TRAPPC9: variants seen among roughly 807,000 people sequenced by gnomAD.
TRAPPC9 encodes the protein trafficking protein particle complex subunit 9, also known as IKK2 binding protein.
TRAPPC9 carries 83 observed loss-of-function variants against 124.0 expected under a neutral mutation model. That is an observed-to-expected ratio of 0.67 (90% CI 0.56 to 0.80). The LOEUF is 0.80. Ranked by LOEUF, TRAPPC9 falls within the 30% of genes least tolerant of loss-of-function variation. TRAPPC9 has a pLI of 0.00. For missense variants in TRAPPC9, 1,302 were observed against 1,508.3 expected (o/e 0.86, Z 2.27); for synonymous variants, 638 against 617.5 (o/e 1.03, Z -0.49).
chr8:140,095,922 C>G (rs935595684), intron 17 of TRAPPC9: 3 of 152,190 alleles, frequency 2.0e-5, no homozygotes, highest in East Asian at 3.9e-4. Context: ...TCTACCTCCA[C>G]CACTTCCCAG....
chr8:139,735,183 G>A (rs958698117), intron 21 of TRAPPC9, among the ~76,000 whole-genome samples: 3 of 152,150 alleles, frequency 2.0e-5, no homozygotes, highest in Non-Finnish European at 4.4e-5. Flanking sequence ...TCTATCTATG[G>A]GACCCCAGGG....
intron 2 of TRAPPC9, among the ~76,000 whole-genome samples, chr8:140,443,125 C>G (rs1453032583): frequency 1.2e-5 from 1 of 81,372 alleles, no homozygotes; most frequent in African/African-American, 4.5e-5. Context: ...GAGCGAGACT[C>G]CATCTCAAAA....
chr8:139,938,635 C>T (rs1015395192), intron 19 of TRAPPC9, among the ~76,000 whole-genome samples: 4 of 151,114 alleles, frequency 2.6e-5, no homozygotes, highest in Non-Finnish European at 4.4e-5. Context: ...CAGAGCTATA[C>T]CCGATTAATT....
chr8:139,789,704 G>T (rs963897064), intron 21 of TRAPPC9, among the ~76,000 whole-genome samples: 15 of 152,206 alleles, frequency 9.9e-5, no homozygotes, highest in African/African-American at 2.9e-4. Context: ...GGGATGAAGG[G>T]TAAGTACACC....
intron 17 of TRAPPC9, among the ~76,000 whole-genome samples, chr8:140,030,360 A>G (rs1405054695): frequency 3.7e-4 from 57 of 152,252 alleles, no homozygotes; most frequent in Non-Finnish European, 1.2e-4. Context: ...CAACATAATC[A>G]TGTACCAAAA....
chr8:139,836,827 C>G (rs1409880154), intron 21 of TRAPPC9, among the ~76,000 whole-genome samples: 1 of 152,090 alleles, frequency 6.6e-6, no homozygotes, highest in Non-Finnish European at 1.5e-5. Context: ...TTTATAAACC[C>G]TCGATGTTTG....
rs143704356 is a variant in TRAPPC9 at position 140,075,051 on chromosome 8, T to C, written c.2557-50972A>G. On this transcript the variant is annotated intron_variant, in intron 17 of 22. Transcript: ENST00000438773. ...AGATCTGAAGCCTAGACCTCCTGCCTCTGACCCACTCTCCTCTGCAATAAA... is the reference window on the plus strand; with the variant it reads ...AGATCTGAAGCCTAGACCTCCTGCCCCTGACCCACTCTCCTCTGCAATAAA... Among the ~76,000 whole-genome samples the C allele has an allele frequency of 2.1e-3, 313 of 152,182 alleles. 1 individual carries two copies. Among genetic ancestry groups the C allele is most frequent in the African/African-American group, 7.1e-3 (293 of 41,508 alleles).
rs745594046 is a variant in TRAPPC9, at chr8:139,915,218, C to G, written c.2811-4918G>C. On this transcript the variant is annotated intron_variant, in intron 19 of 22. Coordinates refer to ENST00000438773, the MANE Select transcript of TRAPPC9 (RefSeq NM_001160372.4). The stretch of plus-strand genomic sequence containing the variant: ...CAAGGTAACAGCTCTTTGAGTGATG[C>G]CTTTTTGCTAGAGTGGGTTCTAATG... 5.3e-5 allele frequency among the ~76,000 whole-genome samples: 8 copies of G among 152,100 alleles called. No individual in the cohort carries two copies. In the South Asian group the frequency reaches 1.2e-3, roughly 24 times the overall value.
intron 21 of TRAPPC9, among the ~76,000 whole-genome samples, chr8:139,843,318 G>A (rs76838597): frequency 0.039 from 5,996 of 152,270 alleles, 219 homozygotes; most frequent in East Asian, 0.12. Context: ...ACTCGGCCCC[G>A]GGGCTGGTCA....
intron 17 of TRAPPC9, among the ~76,000 whole-genome samples, chr8:140,215,469 C>T (rs1158143380): frequency 2.0e-5 from 3 of 150,574 alleles, no homozygotes; most frequent in Non-Finnish European, 2.9e-5. Context: ...ACAGTGAAAC[C>T]CCATCTCTAC....
intron 21 of TRAPPC9, among the ~76,000 whole-genome samples, chr8:139,817,045 A>AACACACACACAC (rs1228353322): frequency 0.044 from 5,982 of 135,298 alleles, 207 homozygotes; most frequent in East Asian, 0.11. Context: ...ACATAAACTA[A>AACACACACACAC]ACACACACAC....
chr8:139,971,752 C>CACACACAT (rs1554419401), intron 19 of TRAPPC9, among the ~76,000 whole-genome samples: 6 of 146,842 alleles, frequency 4.1e-5, no homozygotes, highest in Non-Finnish European at 9.0e-5. Context: ...TATATATACA[C>CACACACAT]ACACACACAC....
chr8:140,222,292 A>G (rs973295056), intron 16 of TRAPPC9, among the ~76,000 whole-genome samples: 3 of 152,190 alleles, frequency 2.0e-5, no homozygotes, highest in Non-Finnish European at 4.4e-5. Flanking sequence ...ACACTCTGCC[A>G]TCTGGGTTTT....
intron 9 of TRAPPC9, among the ~76,000 whole-genome samples, chr8:140,340,479 G>A (rs1284627703): frequency 6.6e-6 from 1 of 152,236 alleles, no homozygotes; most frequent in East Asian, 1.9e-4. Context: ...CCTAGTGGGT[G>A]AAGTAAGCAA....
rs555162431 is a variant in TRAPPC9 at position 140,327,997 on chromosome 8, GTAA to G, written c.1496-16626_1496-16624del. Among the ~76,000 whole-genome samples the G allele has an allele frequency of 2.0e-3, 299 of 152,332 alleles. 1 individual carries two copies. Among genetic ancestry groups the G allele is most frequent in the Non-Finnish European group, 3.8e-3 (256 of 68,018 alleles). On this transcript the variant is annotated intron_variant, in intron 9 of 22. Coordinates refer to ENST00000438773, the MANE Select transcript of TRAPPC9 (RefSeq NM_001160372.4). ...TGGCCGGGCGCGGTGGCTCACGCCT[GTAA>G]TCCCAGCACTTTGGGAGGCTAAGGC...
intron 19 of TRAPPC9, among the ~76,000 whole-genome samples, chr8:139,924,933 GGGT>G (rs1302948803): frequency 1.3e-5 from 2 of 152,200 alleles, no homozygotes; most frequent in East Asian, 3.8e-4. Flanking sequence ...ATGAGCAGGG[GGGT>G]CAGCGGTGTT....
intron 21 of TRAPPC9, among the ~76,000 whole-genome samples, chr8:139,746,816 T>G (rs1818925718): frequency 6.6e-6 from 1 of 152,174 alleles, no homozygotes; most frequent in African/African-American, 2.4e-5. Flanking sequence ...CACGGCCACA[T>G]TGGGCATCCA....
chr8:139,900,178 C>T (rs1830932652), intron 20 of TRAPPC9, among the ~76,000 whole-genome samples: 1 of 152,224 alleles, frequency 6.6e-6, no homozygotes, highest in Admixed American at 6.5e-5. Context: ...TTGCCGCTTC[C>T]CCTTTTAGAC....
At chr8:139,847,777 C>T (rs1376051562) in intron 21 of TRAPPC9, among the ~76,000 whole-genome samples, 1 of 150,350 alleles carries the variant, frequency 6.7e-6, no homozygotes, top group Non-Finnish European at 1.5e-5. Flanking sequence ...CTCCGGCGGC[C>T]CAGCCTGCGG....
Sources: gnomAD v4.1 joint callset for allele counts (sites outside exome capture counted in the v4.1 genomes callset) on GRCh38, gnomAD v4.1.1 for gene constraint, MANE v1.5 for transcripts, NCBI Gene and HGNC (gene_info 2026-07-23, HGNC 2026-07-21) for gene names.